The following CMYA5 variants were observed in gnomAD, a reference collection of about 807,000 sequenced individuals.
CMYA5 encodes the protein cardiomyopathy associated 5, also known as cardiomyopathy-associated protein 5.
A neutral mutation model predicts 318.9 loss-of-function variants in CMYA5; 246 were observed. The observed-to-expected ratio is 0.77, with a 90% CI of 0.70 to 0.86. The LOEUF (loss-of-function observed/expected upper bound fraction) is 0.86, where lower values mean the gene tolerates loss of function less well. Ranked by LOEUF, CMYA5 falls within the 40% of genes least tolerant of loss-of-function variation. CMYA5 has a pLI of 0.00. For synonymous variants in CMYA5, 1,641 were observed against 1,729.5 expected (o/e 0.95, Z 1.27); for missense variants, 4,589 against 4,678.2 (o/e 0.98, Z 0.56).
intron 10 of CMYA5, among the ~76,000 whole-genome samples, chr5:79,789,623 C>G (rs1486770306): frequency 6.6e-6 from 1 of 151,880 alleles, no homozygotes; most frequent in African/African-American, 2.4e-5. Flanking sequence ...ATGGTTTTTG[C>G]CATGTTGGCC....
chr5:79,735,485 G>A lies in CMYA5; in HGVS notation c.6720G>A (p.Glu2240=), dbSNP rs761859398. The stretch of plus-strand genomic sequence containing the variant: ...AACCAGCTGATCATTCATTATCAGA[G>A]GTAAAACTTAAAACTGCTGATGAAC... ...AEKPADHSLS[E]VKLKTADEPR... Residue 2240 remains glutamate, a synonymous_variant, in exon 2 of 13, where the codon GAG becomes GAA. Transcript: ENST00000446378. 1.3e-5 allele frequency: 21 copies of A among 1,613,718 alleles called. No homozygotes were observed. Among genetic ancestry groups the A allele is most frequent in the South Asian group, 1.1e-4 (10 of 91,058 alleles).
In CMYA5 at chr5:79,799,531, T is replaced by C; in HGVS notation, c.12125T>C (p.Val4042Ala). ...ATCAGGCACAGGTTTAATGAGGGTG[T>C]CCACCCTGCCTTTGCCCTGGAGAAA... is the stretch of plus-strand genomic sequence containing the variant. Reference protein sequence around the residue: ...FIIRHRFNEGVHPAFALEKPG... With the variant: ...FIIRHRFNEGAHPAFALEKPG... Residue 4042 changes from valine (V) to alanine (A), a missense_variant, in exon 13 of 13, where the codon GTC (valine) becomes GCC (alanine). Val to Ala is a moderately conservative substitution (Grantham distance 64, BLOSUM62 0). Transcript: ENST00000446378. 2 of 1,613,928 alleles carry C rather than the reference T, an allele frequency of 1.2e-6. No individual in the cohort carries two copies. The highest frequency in any genetic ancestry group is 1.7e-6 in the Non-Finnish European group (2 of 1,179,862).
In CMYA5 at chr5:79,732,754, G is replaced by T. The variant is rs1341580421; in HGVS notation, c.3989G>T (p.Gly1330Val). 3 of 1,613,686 alleles carry T rather than the reference G, an allele frequency of 1.9e-6. No homozygotes were observed. The highest frequency in any genetic ancestry group is 2.5e-6 in the Non-Finnish European group (3 of 1,179,806). Residue 1330 changes from glycine to valine, a missense_variant, in exon 2 of 13, where the codon GGT becomes GTT. Coordinates refer to ENST00000446378, the MANE Select transcript of CMYA5 (RefSeq NM_153610.5). ...GGAGTGGAAAAGCAAGTTGAACATG[G>T]TCCACCTGCACTAGCATTTTCAGCT... ...SSGVEKQVEHGPPALAFSALS... is the reference protein window; with the variant it reads ...SSGVEKQVEHVPPALAFSALS...
chr5:79,750,251 G>A (rs1828405203), intron 5 of CMYA5, among the ~76,000 whole-genome samples: 1 of 149,584 alleles, frequency 6.7e-6, no homozygotes, highest in Admixed American at 6.8e-5. Flanking sequence ...TAAACTTAAG[G>A]TATTAATAAA....
At position 79,763,139 on chromosome 5, in the gene CMYA5, AC is replaced by A. The variant is rs1353473029; in HGVS notation, c.11489del (p.Pro3830GlnfsTer33). On this transcript the variant is annotated frameshift_variant, in exon 9 of 13. Transcript: ENST00000446378. LOFTEE classifies it high-confidence loss of function. ...NTATIRWRPT[T>X]PEATETYTLE... ...AGCCACTATCCGATGGCGGCCCACC[AC>A]CCCAGAGGCCACGGAGACCTACACT... The A allele has an allele frequency of 1.3e-6, 2 of 1,573,644 alleles. No homozygotes were observed. Among genetic ancestry groups the A allele is most frequent in the Non-Finnish European group, 1.7e-6 (2 of 1,161,168 alleles).
chr5:79,730,104 A>C lies in CMYA5; in HGVS notation c.1339A>C (p.Thr447Pro). The C allele has an allele frequency of 6.2e-7, 1 of 1,613,770 alleles. No homozygotes were observed. Among genetic ancestry groups the C allele is most frequent in the Non-Finnish European group, 8.5e-7 (1 of 1,179,876 alleles). ...AGCGTCACCAGGTCTGGCAGCATCTACCCAGGATGGTTTGGACCCAGACCA... is the reference window on the plus strand; with the variant it reads ...AGCGTCACCAGGTCTGGCAGCATCTCCCCAGGATGGTTTGGACCCAGACCA... ...EAASPGLAASTQDGLDPDQEQ... is the reference protein window; with the variant it reads ...EAASPGLAASPQDGLDPDQEQ... Residue 447 changes from threonine to proline, a missense_variant, in exon 2 of 13, where the codon ACC (threonine) becomes CCC (proline). Thr to Pro is a conservative substitution (Grantham distance 38, BLOSUM62 -1). Transcript: ENST00000446378.
intron 5 of CMYA5, among the ~76,000 whole-genome samples, chr5:79,748,923 T>G (rs770863086): frequency 1.3e-5 from 2 of 152,228 alleles, no homozygotes; most frequent in Non-Finnish European, 2.9e-5. Flanking sequence ...ATTTGCTTAC[T>G]TATATTTTAT....
chr5:79,732,643 C>T lies in CMYA5; in HGVS notation c.3878C>T (p.Pro1293Leu). The T allele has an allele frequency of 6.2e-7, 1 of 1,613,488 alleles. No homozygotes were observed. Among genetic ancestry groups the T allele is most frequent in the Non-Finnish European group, 8.5e-7 (1 of 1,179,758 alleles). ...SPLKETSLSG[P>L]EALSAVKMEM... ...CTAAAGGAAACATCTTTATCTGGAC[C>T]TGAGGCTTTATCAGCAGTGAAAATG... is the stretch of plus-strand genomic sequence containing the variant. The change falls in exon 2 of 13, where the codon CCT becomes CTT. Residue 1293 changes from proline (P) to leucine (L), a missense_variant. Physicochemically the swap from Pro to Leu is moderately conservative, Grantham distance 98. Around this residue, in one of 3 missense-constraint regions of CMYA5, gnomAD observed 2,132 missense variants for 2,131.3 expected, o/e 1.00. Transcript: ENST00000446378.
At chr5:79,751,029 T>C (rs1441538631) in intron 5 of CMYA5, among the ~76,000 whole-genome samples, 1 of 152,110 alleles carries the variant, frequency 6.6e-6, no homozygotes, top group Non-Finnish European at 1.5e-5. Context: ...ATCCCCACAG[T>C]CTTAATTTAG....
Position 79,732,897 on chromosome 5 carries a change from T to C in CMYA5, c.4132T>C (p.Ser1378Pro). 1.2e-6 allele frequency: 2 copies of C among 1,613,782 alleles called. No individual in the cohort carries two copies. Among genetic ancestry groups the C allele is most frequent in the Non-Finnish European group, 1.7e-6 (2 of 1,179,820 alleles). Residue 1378 changes from serine to proline, a missense_variant, in exon 2 of 13, where the codon TCT (serine) becomes CCT (proline). Physicochemically the swap from Ser to Pro is moderately conservative, Grantham distance 74. This residue lies in a region of CMYA5 where 2,132 missense variants were observed against 2,131.3 expected (regional missense o/e 1.00). Coordinates refer to ENST00000446378, the MANE Select transcript of CMYA5 (RefSeq NM_153610.5). Reference sequence around the variant, plus strand: ...AAAAGAAGAAATCCCAACAGATTCATCTCTTATCACTCCTGTAGATCGTCC... The same window carrying C: ...AAAAGAAGAAATCCCAACAGATTCACCTCTTATCACTCCTGTAGATCGTCC... Reference protein sequence around the residue: ...AVKEEIPTDSSLITPVDRPVL... With the variant: ...AVKEEIPTDSPLITPVDRPVL...
In CMYA5 at chr5:79,731,403, G is replaced by A. The variant is rs1827896657; in HGVS notation, c.2638G>A (p.Val880Ile). ...PPLSATPSEY[V>I]VLSDEEAVEL... ...ACTTTCAGCCACCCCATCTGAATAT[G>A]TTGTTCTATCAGACGAAGAGGCAGT... is the stretch of plus-strand genomic sequence containing the variant. The change falls in exon 2 of 13, where the codon GTT (valine) becomes ATT (isoleucine). Residue 880 changes from valine to isoleucine, a missense_variant. By Grantham distance (29) the Val-to-Ile change is conservative. This residue lies in a region of CMYA5 where 2,132 missense variants were observed against 2,131.3 expected (regional missense o/e 1.00). Coordinates refer to ENST00000446378, the MANE Select transcript of CMYA5 (RefSeq NM_153610.5). The A allele has an allele frequency of 1.2e-6, 2 of 1,613,692 alleles. No individual in the cohort carries two copies. The highest frequency in any genetic ancestry group is 1.7e-6 in the Non-Finnish European group (2 of 1,179,834).
intron 1 of CMYA5, among the ~76,000 whole-genome samples, chr5:79,696,892 A>G (rs1827077847): frequency 6.6e-6 from 1 of 152,144 alleles, no homozygotes; most frequent in Admixed American, 6.5e-5. Context: ...CTGTAATCCC[A>G]GCTACTTGGG....
intron 9 of CMYA5, 92 bp from the exon 10 acceptor site, chr5:79,788,879 A>G: frequency 1.6e-6 from 2 of 1,273,292 alleles, no homozygotes; most frequent in Non-Finnish European, 2.2e-6. Context: ...ATTTGTTGCT[A>G]ATAAAAGATG....
At chr5:79,761,414 T>C (rs1432686648) in intron 7 of CMYA5, among the ~76,000 whole-genome samples, 1 of 152,212 alleles carries the variant, frequency 6.6e-6, no homozygotes, top group Non-Finnish European at 1.5e-5. Flanking sequence ...TTGTCCTTTT[T>C]TTATGACATA....
At chr5:79,710,847 G>T (rs1827375229) in intron 1 of CMYA5, among the ~76,000 whole-genome samples, 1 of 152,108 alleles carries the variant, frequency 6.6e-6, no homozygotes, top group East Asian at 1.9e-4. Context: ...CATTTTTAGT[G>T]GGTTTTTCTG....
chr5:79,713,957 A>T (rs370287011), intron 1 of CMYA5, among the ~76,000 whole-genome samples: 1 of 148,766 alleles, frequency 6.7e-6, no homozygotes, highest in East Asian at 2.0e-4. Flanking sequence ...GACTCAAGTT[A>T]TCTTGGCTGT....
At chr5:79,699,708 T>C (rs1160175990) in intron 1 of CMYA5, among the ~76,000 whole-genome samples, 1 of 152,200 alleles carries the variant, frequency 6.6e-6, no homozygotes, top group Non-Finnish European at 1.5e-5. Flanking sequence ...CTGGCCTCAG[T>C]CACTGATAAC....
Position 79,733,305 on chromosome 5 carries a change from A to G in CMYA5, c.4540A>G (p.Lys1514Glu). 1 of 1,613,732 alleles carries G rather than the reference A, an allele frequency of 6.2e-7. No homozygotes were observed. Among genetic ancestry groups the G allele is most frequent in the Non-Finnish European group, 8.5e-7 (1 of 1,179,802 alleles). The change falls in exon 2 of 13, where the codon AAG becomes GAG. Residue 1514 changes from lysine to glutamate, a missense_variant. Physicochemically the swap from Lys to Glu is moderately conservative, Grantham distance 56 (BLOSUM62 1). This residue lies in a region of CMYA5 where 2,132 missense variants were observed against 2,131.3 expected (regional missense o/e 1.00). Transcript: ENST00000446378. ...TGAACGTTTGGTTTCATCACAGAAG[A>G]AGAGCTTGATGTCTACCTCAGAGGT... ...DSERLVSSQKKSLMSTSEVLE... is the reference protein window; with the variant it reads ...DSERLVSSQKESLMSTSEVLE...
At chr5:79,746,150 A>T (rs1828317945) in intron 4 of CMYA5, among the ~76,000 whole-genome samples, 2 of 152,162 alleles carry the variant, frequency 1.3e-5, no homozygotes, top group South Asian at 4.1e-4. Flanking sequence ...AATAGTGGAG[A>T]TGTTTTCCCT....
Sources: gnomAD v4.1 joint callset for allele counts (sites outside exome capture counted in the v4.1 genomes callset) on GRCh38, gnomAD v4.1.1 for gene constraint, gnomAD v4.1.1 regional missense constraint, MANE v1.5 for transcripts, NCBI Gene and HGNC (gene_info 2026-07-23, HGNC 2026-07-21) for gene names.